Variants in OSBPL9 observed in about 807,000 individuals in gnomAD.
OSBPL9 encodes the protein oxysterol binding protein like 9, also known as oxysterol-binding protein-related protein 9.
A neutral mutation model predicts 106.6 loss-of-function variants in OSBPL9; 40 were observed. The observed-to-expected ratio is 0.38, with a 90% confidence interval of 0.29 to 0.49. The LOEUF (loss-of-function observed/expected upper bound fraction) is 0.49. Among genes scored for constraint, OSBPL9 ranks in the 20% least tolerant of loss-of-function variants. The pLI is 0.97. For missense variants in OSBPL9, 609 were observed against 887.2 expected (o/e 0.69, Z 3.98); for synonymous variants, 269 against 295.4 (o/e 0.91, Z 0.92).
chr1:51,670,299 C>T (rs535001947), intron 3 of OSBPL9, among the ~76,000 whole-genome samples: 6 of 152,194 alleles, frequency 3.9e-5, no homozygotes, highest in East Asian at 3.9e-4. Flanking sequence ...TTTTATGTTT[C>T]GAGCAGTTCA....
At chr1:51,755,606 G>A (rs1670174858) in intron 8 of OSBPL9, among the ~76,000 whole-genome samples, 1 of 152,200 alleles carries the variant, frequency 6.6e-6, no homozygotes, top group Non-Finnish European at 1.5e-5. Flanking sequence ...GCGATCACAA[G>A]GGTAGCCAGC....
chr1:51,782,738 G>A, intron 17 of OSBPL9, 95 bp downstream of exon 17: 2 of 1,024,976 alleles, frequency 2.0e-6, no homozygotes, highest in South Asian at 1.6e-5. Flanking sequence ...ACTGTCAGTT[G>A]TGTGACTAGC....
intron 8 of OSBPL9, among the ~76,000 whole-genome samples, chr1:51,750,641 A>C (rs868712869): frequency 3.3e-5 from 5 of 152,132 alleles, no homozygotes; most frequent in Non-Finnish European, 5.9e-5. Context: ...ATTCTTCCTT[A>C]TTCATGAAAC....
chr1:51,708,295 T>G (rs746444938), intron 3 of OSBPL9, among the ~76,000 whole-genome samples: 1 of 151,488 alleles, frequency 6.6e-6, no homozygotes, highest in Admixed American at 6.6e-5. Flanking sequence ...GTTTCTAGCT[T>G]AAATTTCCAC....
chr1:51,745,852 G>GA (rs199732561), intron 5 of OSBPL9, among the ~76,000 whole-genome samples: 1 of 151,012 alleles, frequency 6.6e-6, no homozygotes, highest in African/African-American at 2.4e-5. Context: ...TGGTCATTAA[G>GA]AAAAAAAAGG....
In OSBPL9 at chr1:51,789,041, AT is replaced by A. The variant is rs1410382150; in HGVS notation, c.*1256del. The A allele has an allele frequency of 1.6e-6, 1 of 627,158 alleles. No individual in the cohort carries two copies. The highest frequency in any genetic ancestry group is 2.8e-6 in the Non-Finnish European group (1 of 360,876). 38.8% of individuals were successfully genotyped at this position (627,158 alleles called of 1,614,324 possible). On this transcript the variant is annotated 3_prime_UTR_variant, in exon 24 of 24. Transcript: ENST00000428468. ...TGGTCTCGCTTGGCCCATTCTGCTA[AT>A]TTTCCTTTGCCAGCTCCTACAGTAA...
intron 15 of OSBPL9, among the ~76,000 whole-genome samples, chr1:51,780,456 G>T (rs1676104310): frequency 6.6e-6 from 1 of 152,154 alleles, no homozygotes; most frequent in Non-Finnish European, 1.5e-5. Context: ...TGCAAAAATG[G>T]AACTAGCCCA....
At chr1:51,638,675 G>A (rs189490337) in intron 1 of OSBPL9, among the ~76,000 whole-genome samples, 1 of 152,066 alleles carries the variant, frequency 6.6e-6, no homozygotes, top group African/African-American at 2.4e-5. Context: ...TTAGTGACCA[G>A]CCTGGGCAAC....
At chr1:51,713,011 C>G (rs1002309308) in intron 3 of OSBPL9, among the ~76,000 whole-genome samples, 1 of 152,186 alleles carries the variant, frequency 6.6e-6, no homozygotes, top group Non-Finnish European at 1.5e-5. Context: ...TATCACTACT[C>G]CCACAGAGAA....
intron 1 of OSBPL9, among the ~76,000 whole-genome samples, chr1:51,635,147 T>A (rs1012048824): frequency 6.6e-6 from 1 of 152,180 alleles, no homozygotes; most frequent in Non-Finnish European, 1.5e-5. Context: ...GAAAAGTTTC[T>A]CTGTCAGACT....
At chr1:51,679,634 G>A (rs1380489490) in intron 3 of OSBPL9, among the ~76,000 whole-genome samples, 1 of 152,172 alleles carries the variant, frequency 6.6e-6, no homozygotes, top group African/African-American at 2.4e-5. Flanking sequence ...ACACTCTTCT[G>A]CTCCATCCCA....
At chr1:51,739,390 A>G (rs905657606) in intron 4 of OSBPL9, among the ~76,000 whole-genome samples, 1 of 151,990 alleles carries the variant, frequency 6.6e-6, no homozygotes, top group Non-Finnish European at 1.5e-5. Context: ...AAAAAATTTA[A>G]TATACATTGT....
chr1:51,667,453 T>C (rs2148755503), intron 2 of OSBPL9, among the ~76,000 whole-genome samples: 1 of 152,320 alleles, frequency 6.6e-6, no homozygotes, highest in African/African-American at 2.4e-5. Flanking sequence ...TTTTTGTAAG[T>C]AGAATCATGT....
At chr1:51,541,000 G>A in the OSBPL9 span, among the ~76,000 whole-genome samples, 15 of 151,464 alleles carry the variant, frequency 9.9e-5, no homozygotes, top group Middle Eastern at 3.4e-3. Flanking sequence ...GCATGGTGGC[G>A]CGCACCTGCA....
chr1:51,609,139 G>A (rs1367176589), intron 2 of OSBPL9, among the ~76,000 whole-genome samples: 3 of 152,080 alleles, frequency 2.0e-5, no homozygotes, highest in African/African-American at 2.4e-5. Context: ...TGATCTTGAA[G>A]TATTTTCCGT....
the OSBPL9 span, among the ~76,000 whole-genome samples, chr1:51,540,718 G>A: frequency 6.6e-6 from 1 of 151,670 alleles, no homozygotes; most frequent in Non-Finnish European, 1.5e-5. Context: ...CAGCACTTTG[G>A]GAGGTCAAGG....
rs199805610 is a variant in OSBPL9, at chr1:51,677,550, C to CT, written c.241+8052dup. 4.9e-3 allele frequency among the ~76,000 whole-genome samples: 712 copies of CT among 145,784 alleles called. 5 individuals are homozygous for CT. Among genetic ancestry groups the CT allele is most frequent in the African/African-American group, 0.013 (507 of 40,012 alleles). On this transcript the variant is annotated intron_variant, in intron 3 of 23. Coordinates refer to ENST00000428468, the MANE Select transcript of OSBPL9 (RefSeq NM_024586.6). Reference sequence around the variant, plus strand: ...CATTTTCAAAGGACTTTACGGAAAACTTTTTTTTTTTTTTGAGACGGAGTC... The same window carrying CT: ...CATTTTCAAAGGACTTTACGGAAAACTTTTTTTTTTTTTTTGAGACGGAGTC...
At chr1:51,618,612 A>C (rs553907325) in intron 1 of OSBPL9, among the ~76,000 whole-genome samples, 4 of 152,210 alleles carry the variant, frequency 2.6e-5, no homozygotes, top group South Asian at 2.1e-4. Flanking sequence ...TTGAGCTGCT[A>C]TGTGCGTTTT....
chr1:51,622,753 C>G (rs2148629966), intron 1 of OSBPL9, among the ~76,000 whole-genome samples: 1 of 152,328 alleles, frequency 6.6e-6, no homozygotes, highest in Non-Finnish European at 1.5e-5. Flanking sequence ...AAGAGGAAGC[C>G]TCAATCCCTT....
Sources: gnomAD v4.1 joint callset for allele counts (sites outside exome capture counted in the v4.1 genomes callset) on GRCh38, gnomAD v4.1.1 for gene constraint, MANE v1.5 for transcripts, NCBI Gene and HGNC (gene_info 2026-07-23, HGNC 2026-07-21) for gene names.